Variants in CRPPA observed in about 807,000 individuals in gnomAD.
CRPPA encodes CDP-L-ribitol pyrophosphorylase A, also known as D-ribitol-5-phosphate cytidylyltransferase.
CRPPA carries 43 observed loss-of-function variants against 52.0 expected under a neutral mutation model. The ratio of observed to expected loss-of-function variants is 0.83; its 90% CI spans 0.65 to 1.07. The LOEUF is 1.07. Among genes scored for constraint, CRPPA ranks in the 50% least tolerant of loss-of-function variants. The pLI is 0.00. For missense variants in CRPPA, 629 were observed against 551.7 expected, an observed-to-expected ratio of 1.14 and a Z score of -1.40; for synonymous variants, 250 against 203.5, an observed-to-expected ratio of 1.23 and a Z score of -1.94.
intron 8 of CRPPA, among the ~76,000 whole-genome samples, chr7:16,250,803 A>G (rs891238311): frequency 6.6e-6 from 1 of 152,236 alleles, no homozygotes; most frequent in Non-Finnish European, 1.5e-5. Flanking sequence ...GATGCTATAA[A>G]GAAACTGCAT....
chr7:16,101,114 C>T (rs763796178), intron 9 of CRPPA, among the ~76,000 whole-genome samples: 110 of 152,090 alleles, frequency 7.2e-4, no homozygotes, highest in Non-Finnish European at 1.3e-3. Context: ...TGAGACACAA[C>T]TTTTTTTGTT....
At chr7:16,382,413 C>G (rs1160625246) in intron 2 of CRPPA, among the ~76,000 whole-genome samples, 2 of 152,332 alleles carry the variant, frequency 1.3e-5, no homozygotes, top group East Asian at 3.9e-4. Context: ...TTCTCTCTGG[C>G]TGCCCTTAAC....
intron 9 of CRPPA, among the ~76,000 whole-genome samples, chr7:16,125,078 A>G (rs1782550193): frequency 6.6e-6 from 1 of 151,256 alleles, no homozygotes; most frequent in Non-Finnish European, 1.5e-5. Context: ...TGGCCAACAT[A>G]GTGAACCCCC....
Position 16,171,722 on chromosome 7 carries a change from G to T in CRPPA, c.1251+44344C>A, listed in dbSNP as rs1417781648. Among the ~76,000 whole-genome samples the T allele has an allele frequency of 2.6e-5, 4 of 152,322 alleles. No homozygotes were observed. The East Asian group carries it at 7.7e-4, about 29-fold the overall frequency. ...GCAGGAGAACTGCGTGAACCCAGGA[G>T]GCGGAGCTTGCAGTGAGCCGAGACT... is the stretch of plus-strand genomic sequence containing the variant. On this transcript the variant is annotated intron_variant, in intron 9 of 9. Coordinates refer to ENST00000407010, the MANE Select transcript of CRPPA (RefSeq NM_001101426.4).
chr7:16,393,873 T>A (rs767579081), intron 2 of CRPPA, among the ~76,000 whole-genome samples: 3 of 151,972 alleles, frequency 2.0e-5, no homozygotes, highest in African/African-American at 7.2e-5. Flanking sequence ...AGCTTAAAAA[T>A]AAAAATAGGG....
chr7:16,382,803 A>G (rs1341549684), intron 2 of CRPPA, among the ~76,000 whole-genome samples: 5 of 152,084 alleles, frequency 3.3e-5, no homozygotes. Flanking sequence ...AGGCTTCTGC[A>G]TACTTCACGT....
At chr7:16,379,664 A>C (rs903665886) in intron 2 of CRPPA, among the ~76,000 whole-genome samples, 5 of 151,978 alleles carry the variant, frequency 3.3e-5, no homozygotes, top group Non-Finnish European at 5.9e-5. Context: ...CTTTTATTTC[A>C]TTGAGCAGTG....
rs1401084087 is a variant in CRPPA, at chr7:16,090,292, C to T, written c.*1403G>A. ...GAACACTAGAGGGAAAATCACCCAA[C>T]ATGTTAAATAAAAATTCCACAAGGT... is the stretch of plus-strand genomic sequence containing the variant. On this transcript the variant is annotated 3_prime_UTR_variant, in exon 10 of 10. Transcript: ENST00000407010. 6.6e-6 allele frequency: 1 copy of T among 152,048 alleles called. No homozygotes were observed. Among genetic ancestry groups the T allele is most frequent in the African/African-American group, 2.4e-5 (1 of 41,386 alleles). 9.4% of individuals were successfully genotyped at this position (152,048 alleles called of 1,614,324 possible).
intron 9 of CRPPA, among the ~76,000 whole-genome samples, chr7:16,121,743 T>G (rs1473843429): frequency 1.3e-5 from 2 of 152,086 alleles, no homozygotes; most frequent in Non-Finnish European, 2.9e-5. Flanking sequence ...GGAACTGTCA[T>G]GCCATAAAAT....
At chr7:16,257,000 C>CA (rs891646643) in intron 8 of CRPPA, among the ~76,000 whole-genome samples, 4 of 151,784 alleles carry the variant, frequency 2.6e-5, no homozygotes. Context: ...CATCCAAAGA[C>CA]AAAAAAAGAG....
intron 8 of CRPPA, among the ~76,000 whole-genome samples, chr7:16,240,807 A>G (rs956592742): frequency 9.1e-4 from 138 of 152,166 alleles, no homozygotes; most frequent in African/African-American, 3.0e-3. Flanking sequence ...GATGAGAAAG[A>G]TATGTCTGGG....
At chr7:16,303,399 G>A (rs1330460492) in intron 4 of CRPPA, among the ~76,000 whole-genome samples, 1 of 147,042 alleles carries the variant, frequency 6.8e-6, no homozygotes, top group Admixed American at 6.9e-5. Flanking sequence ...GGCACGGTAA[G>A]GTAATAATAC....
chr7:16,199,854 CTTTT>C (rs68003825), intron 9 of CRPPA, among the ~76,000 whole-genome samples: 1 of 120,114 alleles, frequency 8.3e-6, no homozygotes, highest in Non-Finnish European at 1.7e-5. Context: ...TAAGCTTTTT[CTTTT>C]TTTTTTTTTT....
intron 9 of CRPPA, among the ~76,000 whole-genome samples, chr7:16,126,697 G>A (rs1185542639): frequency 6.6e-6 from 1 of 152,102 alleles, no homozygotes; most frequent in Non-Finnish European, 1.5e-5. Flanking sequence ...ATGAGTACAG[G>A]TGAAGATAAA....
chr7:16,400,044 C>T (rs1039705351), intron 2 of CRPPA, among the ~76,000 whole-genome samples: 2 of 152,118 alleles, frequency 1.3e-5, no homozygotes, highest in Non-Finnish European at 2.9e-5. Context: ...GTGACGAATA[C>T]ACAACACGTG....
At chr7:16,172,059 G>T (rs894066909) in intron 9 of CRPPA, among the ~76,000 whole-genome samples, 1 of 152,142 alleles carries the variant, frequency 6.6e-6, no homozygotes, top group Non-Finnish European at 1.5e-5. Flanking sequence ...ACGAAAGCAC[G>T]CTTTCTTTGC....
intron 6 of CRPPA, among the ~76,000 whole-genome samples, chr7:16,271,052 A>C (rs1015864678): frequency 6.6e-6 from 1 of 152,110 alleles, no homozygotes; most frequent in East Asian, 1.9e-4. Flanking sequence ...ACAAAATCAG[A>C]GCATGCTTTA....
intron 5 of CRPPA, among the ~76,000 whole-genome samples, chr7:16,287,347 T>C (rs1219474576): frequency 6.6e-6 from 1 of 152,156 alleles, no homozygotes; most frequent in Non-Finnish European, 1.5e-5. Context: ...TTCCACAAGA[T>C]CACAAACTCC....
chr7:16,330,237 G>A (rs900369869), intron 3 of CRPPA, among the ~76,000 whole-genome samples: 3 of 152,176 alleles, frequency 2.0e-5, no homozygotes, highest in South Asian at 2.1e-4. Flanking sequence ...ACACTTCATT[G>A]TTATCCAAAC....
Sources: gnomAD v4.1 joint callset for allele counts (sites outside exome capture counted in the v4.1 genomes callset) on GRCh38, gnomAD v4.1.1 for gene constraint, MANE v1.5 for transcripts, NCBI Gene and HGNC (gene_info 2026-07-23, HGNC 2026-07-21) for gene names.